Variants in PHACTR2 observed in about 807,000 individuals in gnomAD.
PHACTR2 encodes the protein chromosome 6 open reading frame 56.
A neutral mutation model predicts 76.0 loss-of-function variants in PHACTR2; 30 were observed. The ratio of observed to expected loss-of-function variants is 0.39; its 90% confidence interval spans 0.30 to 0.54. PHACTR2 has a LOEUF of 0.54. Ranked by LOEUF, PHACTR2 falls within the 20% of genes least tolerant of loss-of-function variation. The pLI, the probability that PHACTR2 is intolerant of heterozygous loss-of-function variation, is 0.61. For synonymous variants in PHACTR2, 292 were observed against 292.5 expected (o/e 1.00, Z 0.02); for missense variants, 696 against 781.1 (o/e 0.89, Z 1.30).
rs553059997 is a variant in PHACTR2 at position 143,814,929 on chromosome 6, C to T, written c.1922+7796C>T. 1.5e-3 allele frequency among the ~76,000 whole-genome samples: 231 copies of T among 152,216 alleles called. 1 individual carries two copies. Among genetic ancestry groups the T allele is most frequent in the African/African-American group, 5.2e-3 (218 of 41,540 alleles). The stretch of plus-strand genomic sequence containing the variant: ...TATAAGTATTTTTTAAAGCAATGAT[C>T]TCATTCTATACTTTCTTGAGGTGTT... On this transcript the variant is annotated intron_variant, in intron 12 of 12. Coordinates refer to ENST00000440869, the MANE Select transcript of PHACTR2 (RefSeq NM_001100164.2).
intron 2 of PHACTR2, among the ~76,000 whole-genome samples, chr6:143,744,373 G>A (rs1440612799): frequency 6.6e-6 from 1 of 152,212 alleles, no homozygotes; most frequent in Non-Finnish European, 1.5e-5. Context: ...AAAGCCAACA[G>A]CCTGCAAGTC....
rs1173400980 is a variant in PHACTR2 at position 143,784,968 on chromosome 6, TG to T, written c.1707+1691del. ...GGGAGATACAATTCAAGTTGAGATT[TG>T]GGTGGGGACACAGCCAAACCATATC... On this transcript the variant is annotated intron_variant, in intron 10 of 12. Coordinates refer to ENST00000440869, the MANE Select transcript of PHACTR2 (RefSeq NM_001100164.2). The surrounding 1 kb of genome is among the most constrained non-coding windows in gnomAD (Gnocchi z 4.5). Among the ~76,000 whole-genome samples, 1 of 152,142 alleles carries T rather than the reference TG, an allele frequency of 6.6e-6. No homozygotes were observed. Among genetic ancestry groups the T allele is most frequent in the Non-Finnish European group, 1.5e-5 (1 of 68,022 alleles).
Position 143,619,701 on chromosome 6 carries a change from A to G in PHACTR2, c.13+11379A>G, listed in dbSNP as rs901439397. Among the ~76,000 whole-genome samples, 21 of 152,220 alleles carry G rather than the reference A, an allele frequency of 1.4e-4. No individual in the cohort carries two copies. The highest frequency in any genetic ancestry group is 3.1e-4 in the Non-Finnish European group (21 of 68,042). ...TTGTCTTTAATTTACCACCTGCTGC[A>G]TGCCTCTGCACTTCACATCCTGGGT... On this transcript the variant is annotated intron_variant, in intron 1 of 11. Transcript: ENST00000305766. The surrounding 1 kb of genome is among the most constrained non-coding windows in gnomAD (Gnocchi z 4.5).
At chr6:143,667,460 T>C (rs1360896275) in intron 1 of PHACTR2, among the ~76,000 whole-genome samples, 1 of 152,246 alleles carries the variant, frequency 6.6e-6, no homozygotes, top group Non-Finnish European at 1.5e-5. Context: ...ATAAATTACT[T>C]TGGACAGTAT....
rs191612272 is a variant in PHACTR2 at position 143,647,941 on chromosome 6, C to A, written c.13+39619C>A. On this transcript the variant is annotated intron_variant, in intron 1 of 11. Coordinates refer to the PHACTR2 transcript ENST00000305766. This position sits in a 1 kb window ranked among gnomAD's most constrained non-coding sequence, Gnocchi z 4.2. ...TTCTTTTGACTTCTGTGATAAGAAA[C>A]CAGTGAAGGGTTGGGCTTGGGGAAG... 6.6e-6 allele frequency among the ~76,000 whole-genome samples: 1 copy of A among 152,254 alleles called. No individual in the cohort carries two copies. Among genetic ancestry groups the A allele is most frequent in the Admixed American group, 6.5e-5 (1 of 15,288 alleles).
At chr6:143,614,432 C>T (rs201396130) in intron 1 of PHACTR2, among the ~76,000 whole-genome samples, 2 of 152,182 alleles carry the variant, frequency 1.3e-5, no homozygotes, top group East Asian at 3.9e-4. Flanking sequence ...CCATTTTTAC[C>T]TTATTCTTCC....
rs1171758668 is a variant in PHACTR2 at position 143,578,392 on chromosome 6, T to TA, written c.217+41186dup. ...GGAGGCCAGAAGTCAAGAGAATAGA[T>TA]ACGTGGCATTAGGCTTTCCCCATAA... On this transcript the variant is annotated intron_variant, in intron 1 of 11. Coordinates refer to the PHACTR2 transcript ENST00000367584. The surrounding 1 kb of genome is among the most constrained non-coding windows in gnomAD (Gnocchi z 4.5). Among the ~76,000 whole-genome samples the TA allele has an allele frequency of 6.6e-6, 1 of 152,136 alleles. No individual in the cohort carries two copies. The highest frequency in any genetic ancestry group is 1.9e-4 in the East Asian group (1 of 5,194).
intron 1 of PHACTR2, among the ~76,000 whole-genome samples, chr6:143,593,031 A>G (rs1470415655): frequency 4.3e-5 from 6 of 140,262 alleles, no homozygotes; most frequent in African/African-American, 8.0e-5. Flanking sequence ...TGGGTGACAG[A>G]GCAAGACCCT....
intron 12 of PHACTR2, among the ~76,000 whole-genome samples, chr6:143,812,529 A>G (rs1582905727): frequency 6.6e-6 from 1 of 152,280 alleles, no homozygotes; most frequent in African/African-American, 2.4e-5. Flanking sequence ...AGTGATGAAG[A>G]ACTGTGGTGC....
chr6:143,758,407 G>C (rs1779355675), intron 4 of PHACTR2, among the ~76,000 whole-genome samples: 1 of 152,162 alleles, frequency 6.6e-6, no homozygotes, highest in South Asian at 2.1e-4. Flanking sequence ...AAGTTACAAA[G>C]ATGTATTTAA....
In PHACTR2 at chr6:143,546,866, AAAAAAAAT is replaced by A. The variant is rs1775008672; in HGVS notation, c.217+9666_217+9673del. On this transcript the variant is annotated intron_variant, in intron 1 of 11. Coordinates refer to the PHACTR2 transcript ENST00000367584. The surrounding 1 kb of genome is among the most constrained non-coding windows in gnomAD (Gnocchi z 4.9). ...CATAGTGAGACCCCATCTCAAAAAA[AAAAAAAAT>A]AAAAAATAAAAAATTAGCCAGGTGA... 1.3e-5 allele frequency among the ~76,000 whole-genome samples: 2 copies of A among 149,514 alleles called. No homozygotes were observed. Among genetic ancestry groups the A allele is most frequent in the African/African-American group, 5.0e-5 (2 of 40,398 alleles).
chr6:143,553,660 C>T lies in PHACTR2; in HGVS notation c.217+16453C>T, dbSNP rs189731492. ...TTAGAAACTGTATTCATGTTTTATT[C>T]GAGTCTCTATAGGCTGAGGTTGAGG... On this transcript the variant is annotated intron_variant, in intron 1 of 11. Transcript: ENST00000367584. This position sits in a 1 kb window ranked among gnomAD's most constrained non-coding sequence, Gnocchi z 4.2. 6.6e-6 allele frequency among the ~76,000 whole-genome samples: 1 copy of T among 152,084 alleles called. No homozygotes were observed. Among genetic ancestry groups the T allele is most frequent in the Non-Finnish European group, 1.5e-5 (1 of 68,032 alleles).
chr6:143,582,637 G>A (rs909327892), intron 1 of PHACTR2, among the ~76,000 whole-genome samples: 12 of 151,554 alleles, frequency 7.9e-5, no homozygotes, highest in African/African-American at 2.9e-4. Flanking sequence ...ATAAACAAAC[G>A]ATAGAAATTA....
chr6:143,657,346 T>C (rs532024137), intron 1 of PHACTR2, among the ~76,000 whole-genome samples: 1 of 152,276 alleles, frequency 6.6e-6, no homozygotes, highest in Admixed American at 6.5e-5. Context: ...ATGTAGAATA[T>C]TTCCAACCCC....
rs1582840480 is a variant in PHACTR2 at position 143,751,279 on chromosome 6, T to C, written c.295+2214T>C. Among the ~76,000 whole-genome samples the C allele has an allele frequency of 6.6e-6, 1 of 152,310 alleles. No homozygotes were observed. The highest frequency in any genetic ancestry group is 6.5e-5 in the Admixed American group (1 of 15,302). Reference sequence around the variant, plus strand: ...ATACTCTCCCGGCTATTGTTATTTTTCCTTTTAGGTTCTCTTATTTACATC... The same window carrying C: ...ATACTCTCCCGGCTATTGTTATTTTCCCTTTTAGGTTCTCTTATTTACATC... On this transcript the variant is annotated intron_variant, in intron 3 of 12. Coordinates refer to ENST00000440869, the MANE Select transcript of PHACTR2 (RefSeq NM_001100164.2). This position sits in a 1 kb window ranked among gnomAD's most constrained non-coding sequence, Gnocchi z 5.7.
intron 2 of PHACTR2, among the ~76,000 whole-genome samples, chr6:143,746,296 G>T (rs1206687886): frequency 6.6e-6 from 1 of 152,128 alleles, no homozygotes; most frequent in Non-Finnish European, 1.5e-5. Context: ...GGAATTCAAG[G>T]ACTAGAATCC....
chr6:143,821,240 A>T lies in PHACTR2; in HGVS notation c.1923-2434A>T, dbSNP rs1182119913. On this transcript the variant is annotated intron_variant, in intron 12 of 12. Coordinates refer to ENST00000440869, the MANE Select transcript of PHACTR2 (RefSeq NM_001100164.2). This position sits in a 1 kb window ranked among gnomAD's most constrained non-coding sequence, Gnocchi z 5.2. ...TGGACACATTCCTGCTTTAGTAATA[A>T]ATTGCCTACCAGTTTTGTAAAGCTT... Among the ~76,000 whole-genome samples, 2 of 152,228 alleles carry T rather than the reference A, an allele frequency of 1.3e-5. No individual in the cohort carries two copies. The highest frequency in any genetic ancestry group is 4.8e-5 in the African/African-American group (2 of 41,458).
chr6:143,787,249 A>G lies in PHACTR2; in HGVS notation c.1708-1524A>G, dbSNP rs1775577779. On this transcript the variant is annotated intron_variant, in intron 10 of 12. Coordinates refer to ENST00000440869, the MANE Select transcript of PHACTR2 (RefSeq NM_001100164.2). The surrounding 1 kb of genome is among the most constrained non-coding windows in gnomAD (Gnocchi z 4.6). ...TCCTGAGGACAAGACTGGATGGAGA[A>G]TTTCTAACCTATATTGCCATTGGTC... Among the ~76,000 whole-genome samples, 1 of 152,226 alleles carries G rather than the reference A, an allele frequency of 6.6e-6. No individual in the cohort carries two copies. Among genetic ancestry groups the G allele is most frequent in the Non-Finnish European group, 1.5e-5 (1 of 68,040 alleles).
rs954512715 is a variant in PHACTR2, at chr6:143,789,882, A to G, written c.1845+972A>G. The stretch of plus-strand genomic sequence containing the variant: ...TAAGAAGGAATAAGATCACAAAGGA[A>G]GAATGTTCAGAACAAGAATAGAAGA... On this transcript the variant is annotated intron_variant, in intron 11 of 12. Transcript: ENST00000440869. This position sits in a 1 kb window ranked among gnomAD's most constrained non-coding sequence, Gnocchi z 5.1. Among the ~76,000 whole-genome samples, 1 of 152,254 alleles carries G rather than the reference A, an allele frequency of 6.6e-6. No individual in the cohort carries two copies. Among genetic ancestry groups the G allele is most frequent in the Non-Finnish European group, 1.5e-5 (1 of 68,048 alleles).
Sources: allele counts gnomAD v4.1 joint callset (sites outside exome capture counted in the v4.1 genomes callset), GRCh38; gene constraint gnomAD v4.1.1; non-coding constraint Gnocchi (gnomAD v3.1); transcripts MANE v1.5; gene names NCBI Gene and HGNC (gene_info 2026-07-23, HGNC 2026-07-21).